Variants in KCNJ6 observed in about 807,000 individuals in gnomAD.
KCNJ6 encodes the protein potassium inwardly rectifying channel subfamily J member 6.
A neutral mutation model predicts 34.2 loss-of-function variants in KCNJ6; 9 were observed. That is an observed-to-expected ratio of 0.26 (90% CI 0.16 to 0.46). The LOEUF (loss-of-function observed/expected upper bound fraction) is 0.46. KCNJ6 is among the 20% of genes least tolerant of loss of function. KCNJ6 has a pLI of 1.00. For missense variants in KCNJ6, 236 were observed against 531.3 expected (o/e 0.44, Z 5.46); for synonymous variants, 196 against 207.1 (o/e 0.95, Z 0.46).
At chr21:37,844,657 T>A (rs2055497654) in intron 1 of KCNJ6, among the ~76,000 whole-genome samples, 1 of 152,136 alleles carries the variant, frequency 6.6e-6, no homozygotes. Context: ...CTCCTTGCCT[T>A]GGCAAGCACT....
At chr21:37,753,329 C>CT (rs1006759044) in intron 2 of KCNJ6, among the ~76,000 whole-genome samples, 1 of 152,142 alleles carries the variant, frequency 6.6e-6, no homozygotes, top group African/African-American at 2.4e-5. Flanking sequence ...CCCTAGTGCC[C>CT]TGGGATCAGC....
intron 1 of KCNJ6, among the ~76,000 whole-genome samples, chr21:37,912,752 T>C (rs761443496): frequency 5.3e-5 from 8 of 152,228 alleles, no homozygotes; most frequent in Non-Finnish European, 1.0e-4. Context: ...TGCTCTGTCT[T>C]CACTAGCAAT....
At chr21:37,793,316 A>G (rs1024550561) in intron 2 of KCNJ6, among the ~76,000 whole-genome samples, 6 of 152,178 alleles carry the variant, frequency 3.9e-5, no homozygotes, top group African/African-American at 1.2e-4. Flanking sequence ...GGCCCACACT[A>G]TGAAGACAAC....
rs139358229 is a variant in KCNJ6, at chr21:37,820,756, T to C, written c.25+19902A>G. Reference sequence around the variant, plus strand: ...TAATTTGTTTCTTTTTGAAAGCTTATTATTATTTTATTTGCTTTTCTGAAG... The same window carrying C: ...TAATTTGTTTCTTTTTGAAAGCTTACTATTATTTTATTTGCTTTTCTGAAG... On this transcript the variant is annotated intron_variant, in intron 2 of 3. Transcript: ENST00000609713. Among the ~76,000 whole-genome samples the C allele has an allele frequency of 7.8e-4, 119 of 152,354 alleles. 1 individual carries two copies. The highest frequency in any genetic ancestry group is 1.5e-3 in the Non-Finnish European group (101 of 68,026).
chr21:37,762,165 C>T (rs2055068620), intron 2 of KCNJ6, among the ~76,000 whole-genome samples: 1 of 152,184 alleles, frequency 6.6e-6, no homozygotes, highest in Admixed American at 6.5e-5. Context: ...CAAATATCCT[C>T]TTCCTTTCTC....
chr21:37,881,516 T>TTTG (rs1568883391), intron 1 of KCNJ6, among the ~76,000 whole-genome samples: 2 of 152,082 alleles, frequency 1.3e-5, no homozygotes, highest in Middle Eastern at 3.4e-3. Flanking sequence ...CTCTGCTTCT[T>TTTG]TTGTTGTTGT....
At chr21:37,759,453 C>T (rs2055049119) in intron 2 of KCNJ6, among the ~76,000 whole-genome samples, 1 of 152,176 alleles carries the variant, frequency 6.6e-6, no homozygotes, top group Non-Finnish European at 1.5e-5. Context: ...TCTCACTGGG[C>T]TGCAGGCACC....
At chr21:37,684,336 A>G (rs1240242742) in intron 3 of KCNJ6, among the ~76,000 whole-genome samples, 2 of 132,776 alleles carry the variant, frequency 1.5e-5, no homozygotes, top group Admixed American at 8.0e-5. Context: ...TCTGTGTCCA[A>G]ATTTCCACTC....
intron 3 of KCNJ6, among the ~76,000 whole-genome samples, chr21:37,630,305 C>G (rs528836373): frequency 6.6e-6 from 1 of 152,272 alleles, no homozygotes; most frequent in Non-Finnish European, 1.5e-5. Flanking sequence ...TTTGAGCATG[C>G]AGTCATAGGT....
At chr21:37,650,848 T>A (rs2054429833) in intron 3 of KCNJ6, among the ~76,000 whole-genome samples, 1 of 152,244 alleles carries the variant, frequency 6.6e-6, no homozygotes. Context: ...CCTAATCAGA[T>A]AATCTCAATG....
intron 1 of KCNJ6, among the ~76,000 whole-genome samples, chr21:37,899,839 T>G (rs1319987260): frequency 1.3e-5 from 2 of 152,218 alleles, no homozygotes; most frequent in Non-Finnish European, 2.9e-5. Context: ...GACTGGGACA[T>G]TATTGCTGAA....
intron 2 of KCNJ6, among the ~76,000 whole-genome samples, chr21:37,732,657 T>C (rs1375890263): frequency 6.6e-6 from 1 of 152,184 alleles, no homozygotes; most frequent in African/African-American, 2.4e-5. Context: ...GAGGAAAGAA[T>C]AGTCAATCCA....
intron 2 of KCNJ6, among the ~76,000 whole-genome samples, chr21:37,728,194 A>G (rs1391239644): frequency 3.3e-5 from 5 of 152,248 alleles, no homozygotes; most frequent in Non-Finnish European, 7.3e-5. Context: ...CAGTGAAATA[A>G]GCCAGACACG....
At chr21:37,885,019 T>C (rs1183726965) in intron 1 of KCNJ6, among the ~76,000 whole-genome samples, 1 of 152,242 alleles carries the variant, frequency 6.6e-6, no homozygotes, top group Non-Finnish European at 1.5e-5. Context: ...CTTATGGCTG[T>C]TATTTCTCTG....
At chr21:37,713,583 C>T (rs1433173109) in intron 3 of KCNJ6, among the ~76,000 whole-genome samples, 1 of 152,156 alleles carries the variant, frequency 6.6e-6, no homozygotes, top group Non-Finnish European at 1.5e-5. Context: ...AATGATTAGC[C>T]ATTAACAGCA....
intron 2 of KCNJ6, among the ~76,000 whole-genome samples, chr21:37,769,412 TTTATTATTATTATTA>T (rs71198893): frequency 5.8e-4 from 85 of 145,334 alleles, no homozygotes; most frequent in Middle Eastern, 3.6e-3. Flanking sequence ...AGCCTTCAAT[TTTATTATTATTATTA>T]TTATTATTAT....
intron 3 of KCNJ6, among the ~76,000 whole-genome samples, chr21:37,670,568 C>T (rs891456829): frequency 4.6e-5 from 7 of 152,134 alleles, no homozygotes; most frequent in African/African-American, 1.7e-4. Flanking sequence ...AGTTTGAAAC[C>T]AGCCGGGGCA....
chr21:37,729,487 C>T (rs1351982089), intron 2 of KCNJ6, among the ~76,000 whole-genome samples: 1 of 152,158 alleles, frequency 6.6e-6, no homozygotes, highest in Non-Finnish European at 1.5e-5. Context: ...CCATGCCTAG[C>T]TAATTTTTGT....
intron 1 of KCNJ6, among the ~76,000 whole-genome samples, chr21:37,910,092 T>C (rs2055860041): frequency 6.6e-6 from 1 of 152,220 alleles, no homozygotes; most frequent in South Asian, 2.1e-4. Flanking sequence ...ATTCTTGATC[T>C]TGAATTCCAG....
Sources: allele counts gnomAD v4.1 joint callset (sites outside exome capture counted in the v4.1 genomes callset), GRCh38; gene constraint gnomAD v4.1.1; transcripts MANE v1.5; gene names NCBI Gene and HGNC (gene_info 2026-07-23, HGNC 2026-07-21).